Variants in ARHGEF10L observed in about 807,000 individuals in gnomAD.
ARHGEF10L encodes Rho guanine nucleotide exchange factor 10 like.
In ARHGEF10L, 69 loss-of-function variants were observed where a neutral mutation model predicts 141.2. That is an observed-to-expected ratio of 0.49 (90% CI 0.40 to 0.60). ARHGEF10L has a LOEUF of 0.60. Ranked by LOEUF, ARHGEF10L falls within the 20% of genes least tolerant of loss-of-function variation. The pLI, the probability that ARHGEF10L is intolerant of heterozygous loss-of-function variation, is 0.00. For missense variants in ARHGEF10L, 1,482 were observed against 1,734.3 expected, an observed-to-expected ratio of 0.85 and a Z score of 2.58; for synonymous variants, 711 against 718.5, an observed-to-expected ratio of 0.99 and a Z score of 0.17.
chr1:17,520,341 T>G, the ARHGEF10L span, among the ~76,000 whole-genome samples: 1 of 152,202 alleles, frequency 6.6e-6, no homozygotes, highest in Non-Finnish European at 1.5e-5. Flanking sequence ...GTACTCACCC[T>G]CTGGGCTCCT....
chr1:17,528,294 C>T, the ARHGEF10L span, among the ~76,000 whole-genome samples: 1 of 151,946 alleles, frequency 6.6e-6, no homozygotes, highest in Non-Finnish European at 1.5e-5. Flanking sequence ...ATGATCACAG[C>T]TCACTGAACT....
chr1:17,675,838 TCAGGTGTGGGTG>T (rs2063642555), intron 26 of ARHGEF10L, among the ~76,000 whole-genome samples: 1 of 62,638 alleles, frequency 1.6e-5, no homozygotes, highest in African/African-American at 6.4e-5. Flanking sequence ...AGGTGTGTGT[TCAGGTGTGGGTG>T]CAGGTGTGGG....
chr1:17,567,639 AT>A lies in ARHGEF10L; in HGVS notation c.-43-12912del, dbSNP rs1470672094. On this transcript the variant is annotated intron_variant, in intron 1 of 28. Transcript: ENST00000361221. ...TGTCTTGGCCTCCCAAAGTGCTGGG[AT>A]TACAGGCGTGAACCACTGTGACCAG... 2.0e-5 allele frequency among the ~76,000 whole-genome samples: 3 copies of A among 152,168 alleles called. No homozygotes were observed. In the East Asian group the frequency reaches 5.8e-4, roughly 29 times the overall value.
At chr1:17,540,872 G>A (rs1166120433) in intron 1 of ARHGEF10L, among the ~76,000 whole-genome samples, 1 of 152,188 alleles carries the variant, frequency 6.6e-6, no homozygotes. Flanking sequence ...GGGTTCTGGG[G>A]AGAGAGGGCA....
rs1421731181 is a variant in ARHGEF10L at position 17,602,156 on chromosome 1, C to T, written c.287C>T (p.Ala96Val). 6.3e-7 allele frequency: 1 copy of T among 1,580,478 alleles called. No homozygotes were observed. The highest frequency in any genetic ancestry group is 8.6e-7 in the Non-Finnish European group (1 of 1,163,076). ...GVPAWVSNGD[A>V]ADAAFSGARH... The stretch of plus-strand genomic sequence containing the variant: ...CCAGCCTGGGTGAGCAATGGGGATG[C>T]AGCGGACGCAGCCTTCTCCGGGGCC... The change falls in exon 5 of 29, where the codon GCA becomes GTA. Residue 96 changes from alanine (A) to valine (V), a missense_variant. By Grantham distance (64) the Ala-to-Val change is moderately conservative (BLOSUM62 0). Transcript: ENST00000361221.
chr1:17,619,009 G>A lies in ARHGEF10L; in HGVS notation c.836-330G>A, dbSNP rs1570968983. ...GGCAGCTAGCCTTCGCCAGGCCAGA[G>A]CGGGCGGGCCTGAGCAGGGACAGTG... On this transcript the variant is annotated intron_variant, in intron 9 of 28. Coordinates refer to ENST00000361221, the MANE Select transcript of ARHGEF10L (RefSeq NM_018125.4). The surrounding 1 kb of genome is among the most constrained non-coding windows in gnomAD (Gnocchi z 5.0). Among the ~76,000 whole-genome samples the A allele has an allele frequency of 1.3e-5, 2 of 152,326 alleles. No homozygotes were observed. The highest frequency in any genetic ancestry group is 4.1e-4 in the South Asian group (2 of 4,826).
intron 19 of ARHGEF10L, among the ~76,000 whole-genome samples, 197 bp downstream of exon 19, chr1:17,638,200 C>T (rs575912260): frequency 2.2e-4 from 34 of 152,360 alleles, no homozygotes; most frequent in East Asian, 1.7e-3. Context: ...GCCGCTGGTT[C>T]GGGCGCATCC....
At chr1:17,594,681 C>T (rs879472697) in intron 4 of ARHGEF10L, among the ~76,000 whole-genome samples, 2 of 152,120 alleles carry the variant, frequency 1.3e-5, no homozygotes, top group Non-Finnish European at 2.9e-5. Flanking sequence ...AACGGGGTCT[C>T]ACCATGTTGG....
chr1:17,670,885 C>A (rs978545775), intron 26 of ARHGEF10L, among the ~76,000 whole-genome samples: 1 of 152,242 alleles, frequency 6.6e-6, no homozygotes, highest in Non-Finnish European at 1.5e-5. Context: ...GAGCACTGTT[C>A]CCCTCCTGTG....
chr1:17,556,397 G>T (rs1342920400), intron 1 of ARHGEF10L, among the ~76,000 whole-genome samples: 2 of 152,136 alleles, frequency 1.3e-5, no homozygotes, highest in African/African-American at 4.8e-5. Context: ...TCCTCTCTGG[G>T]CCTCAGTTTC....
intron 26 of ARHGEF10L, among the ~76,000 whole-genome samples, chr1:17,683,436 G>A (rs1174036577): frequency 6.6e-6 from 1 of 151,338 alleles, no homozygotes; most frequent in East Asian, 2.0e-4. Flanking sequence ...GGTGCTCACT[G>A]CCCCCTGCTC....
chr1:17,568,110 C>T (rs1225212015), intron 1 of ARHGEF10L, among the ~76,000 whole-genome samples: 2 of 152,148 alleles, frequency 1.3e-5, no homozygotes, highest in Non-Finnish European at 2.9e-5. Flanking sequence ...GCAGGCAGTG[C>T]CTTCCTGGAG....
chr1:17,696,775 G>A, intron 28 of ARHGEF10L, 73 bp from the exon 29 acceptor site: 1 of 1,443,454 alleles, frequency 6.9e-7, no homozygotes, highest in Non-Finnish European at 9.3e-7. Flanking sequence ...TGTTCTCCAG[G>A]AGAGAGACTC....
At chr1:17,550,823 T>C (rs1176931261) in intron 1 of ARHGEF10L, among the ~76,000 whole-genome samples, 2 of 151,586 alleles carry the variant, frequency 1.3e-5, no homozygotes, top group African/African-American at 4.8e-5. Context: ...GGAGCTCTTA[T>C]ATTTATAGTC....
intron 21 of ARHGEF10L, among the ~76,000 whole-genome samples, chr1:17,641,095 A>G (rs1413752382): frequency 6.6e-6 from 1 of 152,204 alleles, no homozygotes; most frequent in Admixed American, 6.5e-5. Context: ...ATCCCCATCC[A>G]TTCTGCTTCC....
Position 17,655,942 on chromosome 1 carries a change from C to G in ARHGEF10L, c.2545C>G (p.Pro849Ala), listed in dbSNP as rs1230729867. The G allele has an allele frequency of 1.3e-6, 2 of 1,559,702 alleles. No homozygotes were observed. The highest frequency in any genetic ancestry group is 1.7e-6 in the Non-Finnish European group (2 of 1,151,426). The change falls in exon 24 of 29, where the codon CCC becomes GCC. Residue 849 changes from proline to alanine, a missense_variant. By Grantham distance (27) the Pro-to-Ala change is conservative. Around this residue, in one of 3 missense-constraint regions of ARHGEF10L, gnomAD observed 858 missense variants for 966.3 expected, o/e 0.89. Transcript: ENST00000361221. The stretch of plus-strand genomic sequence containing the variant: ...AATCTTTTCCTTGAACCGGCCCTCG[C>G]CCCGCACCGTCAAGTCCTTCCCACT... ...VEIFSLNRPS[P>A]RTVKSFPLAA...
rs765044758 is a variant in ARHGEF10L at position 17,695,253 on chromosome 1, C to T, written c.3280C>T (p.Arg1094Trp). 1.1e-5 allele frequency: 17 copies of T among 1,596,450 alleles called. No homozygotes were observed. Among genetic ancestry groups the T allele is most frequent in the African/African-American group, 1.3e-5 (1 of 74,608 alleles). Residue 1094 changes from arginine to tryptophan, a missense_variant, in exon 28 of 29, where the codon CGG becomes TGG. Around this residue, in one of 3 missense-constraint regions of ARHGEF10L, gnomAD observed 858 missense variants for 966.3 expected, o/e 0.89. Transcript: ENST00000361221. ...QGVIVLLPVP[R>W]LEGIPKITGK... ...TGTCATCGTCCTGCTGCCCGTGCCT[C>T]GGCTGGAAGGCATCCCCAAGATCAC...
chr1:17,641,884 G>A (rs899949467), intron 21 of ARHGEF10L, among the ~76,000 whole-genome samples: 1 of 151,454 alleles, frequency 6.6e-6, no homozygotes, highest in Non-Finnish European at 1.5e-5. Flanking sequence ...GAGAGGTTGA[G>A]GCAGGAGAAT....
intron 26 of ARHGEF10L, among the ~76,000 whole-genome samples, chr1:17,678,708 C>T (rs575761654): frequency 1.1e-4 from 17 of 152,264 alleles, no homozygotes; most frequent in East Asian, 5.8e-4. Flanking sequence ...CATGAGCCAC[C>T]GCACCCGGCT....
Sources: gnomAD v4.1 joint callset for allele counts (sites outside exome capture counted in the v4.1 genomes callset) on GRCh38, gnomAD v4.1.1 for gene constraint, gnomAD v4.1.1 regional missense constraint, Gnocchi (gnomAD v3.1) non-coding constraint, MANE v1.5 for transcripts, NCBI Gene and HGNC (gene_info 2026-07-23, HGNC 2026-07-21) for gene names.